The following FBXL17 variants were observed in gnomAD, a reference collection of about 807,000 sequenced individuals.
FBXL17 encodes the protein F-box and leucine rich repeat protein 17, also known as F-box/LRR-repeat protein 17.
In FBXL17, 22 loss-of-function variants were observed where a neutral mutation model predicts 66.2. That is an observed-to-expected ratio of 0.33 (90% CI 0.24 to 0.47). The LOEUF is 0.47. Ranked by LOEUF, FBXL17 falls within the 20% of genes least tolerant of loss-of-function variation. FBXL17 has a pLI of 1.00. For synonymous variants in FBXL17, 474 were observed against 400.5 expected, an observed-to-expected ratio of 1.18 and a Z score of -2.19; for missense variants, 878 against 948.2, an observed-to-expected ratio of 0.93 and a Z score of 0.97.
chr5:108,106,219 A>G (rs1178570135), intron 6 of FBXL17, among the ~76,000 whole-genome samples: 1 of 152,238 alleles, frequency 6.6e-6, no homozygotes, highest in Non-Finnish European at 1.5e-5. Context: ...TAGTTCCTCT[A>G]AATGTGAACA....
At chr5:108,270,621 G>A (rs902551784) in intron 4 of FBXL17, among the ~76,000 whole-genome samples, 1 of 151,120 alleles carries the variant, frequency 6.6e-6, no homozygotes, top group Non-Finnish European at 1.5e-5. Flanking sequence ...TTGAGGATAA[G>A]TGACATTTAA....
At position 108,029,594 on chromosome 5, in the gene FBXL17, G is replaced by A. The variant is rs1018770881; in HGVS notation, c.1746-8593C>T. Among the ~76,000 whole-genome samples the A allele has an allele frequency of 9.9e-5, 15 of 152,180 alleles. No individual in the cohort carries two copies. In the South Asian group the frequency reaches 1.0e-3, roughly 11 times the overall value. ...GCAGGTCATGTTAAGTTGTTTTGGT[G>A]CACTGTGTTTATGCAGAGAGATAAC... On this transcript the variant is annotated intron_variant, in intron 6 of 8. Transcript: ENST00000542267.
intron 5 of FBXL17, among the ~76,000 whole-genome samples, chr5:108,203,716 G>T (rs1301827526): frequency 6.6e-6 from 1 of 152,094 alleles, no homozygotes; most frequent in African/African-American, 2.4e-5. Flanking sequence ...TAGTAAAACA[G>T]TGTGTTCTTT....
Position 108,381,748 on chromosome 5 carries a change from G to A in FBXL17, c.-57C>T. On this transcript the variant is annotated 5_prime_UTR_variant, in exon 1 of 9. Coordinates refer to ENST00000542267, the MANE Select transcript of FBXL17 (RefSeq NM_001163315.3). ...GGAGGGAGGGAGACCCAGAGAGGCG[G>A]GCTCCCGGCAGCGGGGCAGGCCGCT... 2 of 1,378,650 alleles carry A rather than the reference G, an allele frequency of 1.5e-6. No homozygotes were observed. The highest frequency in any genetic ancestry group is 1.9e-6 in the Non-Finnish European group (2 of 1,072,338). 85.4% of individuals were successfully genotyped at this position (1,378,650 alleles called of 1,614,324 possible).
intron 4 of FBXL17, among the ~76,000 whole-genome samples, chr5:108,280,142 T>C (rs911488902): frequency 4.6e-5 from 7 of 152,080 alleles, no homozygotes; most frequent in South Asian, 2.1e-4. Context: ...GCAAATACTA[T>C]GCAAAAATGA....
At position 108,367,926 on chromosome 5, in the gene FBXL17, G is replaced by A; in HGVS notation, c.1021C>T (p.Arg341Cys). The A allele has an allele frequency of 6.4e-7, 1 of 1,550,606 alleles. No individual in the cohort carries two copies. The highest frequency in any genetic ancestry group is 8.7e-7 in the Non-Finnish European group (1 of 1,146,206). The stretch of plus-strand genomic sequence containing the variant: ...CAAACCAATGATGCGGAAAGGCAAC[G>A]CTCATCCAGTGACAAATTGGAAAAT... ...KIFSNLSLDE[R>C]CLSASLVCKY... Residue 341 changes from arginine (R) to cysteine (C), a missense_variant, in exon 2 of 9, where the codon CGT becomes TGT. Arg to Cys is a radical substitution (Grantham distance 180). Coordinates refer to ENST00000542267, the MANE Select transcript of FBXL17 (RefSeq NM_001163315.3).
chr5:107,914,910 C>T (rs988662832), intron 7 of FBXL17, among the ~76,000 whole-genome samples: 3 of 152,134 alleles, frequency 2.0e-5, no homozygotes, highest in Non-Finnish European at 4.4e-5. Context: ...TAATAAACCT[C>T]CCTTCTTTGT....
intron 4 of FBXL17, among the ~76,000 whole-genome samples, chr5:108,274,945 G>T (rs1757425444): frequency 6.6e-6 from 1 of 152,082 alleles, no homozygotes; most frequent in Non-Finnish European, 1.5e-5. Flanking sequence ...TACATATAAG[G>T]AAACTGGAGA....
chr5:108,014,546 A>C (rs887975191), intron 7 of FBXL17, among the ~76,000 whole-genome samples: 1 of 152,206 alleles, frequency 6.6e-6, no homozygotes, highest in African/African-American at 2.4e-5. Context: ...CTATTCTAGC[A>C]AGACACAGTG....
chr5:108,061,173 G>A (rs868116850), intron 6 of FBXL17, among the ~76,000 whole-genome samples: 3 of 152,102 alleles, frequency 2.0e-5, no homozygotes, highest in Middle Eastern at 3.4e-3. Context: ...TGTAATCCCA[G>A]CTACTCGGGA....
At position 107,864,608 on chromosome 5, in the gene FBXL17, C is replaced by T. The variant is rs537251460; in HGVS notation, c.1966-2748G>A. 1.0e-3 allele frequency among the ~76,000 whole-genome samples: 154 copies of T among 152,208 alleles called. 1 individual carries two copies. Among genetic ancestry groups the T allele is most frequent in the Middle Eastern group, 3.4e-3 (1 of 294 alleles). ...GCCCATCATGGCTTGGTGCTGTCTTCGAGATAGTGGGGGAGTTCTCTCGAG... is the reference window on the plus strand; with the variant it reads ...GCCCATCATGGCTTGGTGCTGTCTTTGAGATAGTGGGGGAGTTCTCTCGAG... On this transcript the variant is annotated intron_variant, in intron 8 of 8. Coordinates refer to ENST00000542267, the MANE Select transcript of FBXL17 (RefSeq NM_001163315.3).
At chr5:107,931,241 G>A (rs1750725711) in intron 7 of FBXL17, among the ~76,000 whole-genome samples, 1 of 148,786 alleles carries the variant, frequency 6.7e-6, no homozygotes. Context: ...TTTTATTGCT[G>A]TTCATGTTAA....
At chr5:107,951,632 G>A (rs1751501810) in intron 7 of FBXL17, among the ~76,000 whole-genome samples, 1 of 152,240 alleles carries the variant, frequency 6.6e-6, no homozygotes, top group Non-Finnish European at 1.5e-5. Flanking sequence ...CAGTATATGA[G>A]AGAGCTAAGC....
intron 7 of FBXL17, among the ~76,000 whole-genome samples, chr5:107,902,223 G>T (rs1052362685): frequency 6.6e-6 from 1 of 151,966 alleles, no homozygotes; most frequent in African/African-American, 2.4e-5. Flanking sequence ...TTTTTCAGCA[G>T]TTCCGAAGTT....
intron 5 of FBXL17, among the ~76,000 whole-genome samples, chr5:108,213,281 C>G (rs1201296262): frequency 2.0e-5 from 3 of 152,164 alleles, no homozygotes; most frequent in Non-Finnish European, 4.4e-5. Flanking sequence ...GGCTTCAGCA[C>G]CCCTTTCCAG....
chr5:108,326,853 T>A (rs184809898), intron 4 of FBXL17, among the ~76,000 whole-genome samples: 1 of 151,710 alleles, frequency 6.6e-6, no homozygotes, highest in Admixed American at 6.6e-5. Context: ...CCAAATGGAG[T>A]TCTCAAACAT....
intron 4 of FBXL17, among the ~76,000 whole-genome samples, chr5:108,318,095 C>T (rs1187684066): frequency 6.6e-6 from 1 of 151,344 alleles, no homozygotes; most frequent in Non-Finnish European, 1.5e-5. Context: ...TTTTTCCTTC[C>T]AAAGAAATCA....
chr5:108,378,850 G>A (rs1176449853), intron 1 of FBXL17, among the ~76,000 whole-genome samples: 1 of 152,158 alleles, frequency 6.6e-6, no homozygotes, highest in Non-Finnish European at 1.5e-5. Context: ...CAAAAACTGG[G>A]GTTGGCAGAC....
At chr5:108,014,169 CTG>C (rs1754292624) in intron 7 of FBXL17, among the ~76,000 whole-genome samples, 1 of 151,932 alleles carries the variant, frequency 6.6e-6, no homozygotes, top group South Asian at 2.1e-4. Flanking sequence ...CTATAGAAGA[CTG>C]TTTCAAAGAC....
Sources: gnomAD v4.1 joint callset for allele counts (sites outside exome capture counted in the v4.1 genomes callset) on GRCh38, gnomAD v4.1.1 for gene constraint, MANE v1.5 for transcripts, NCBI Gene and HGNC (gene_info 2026-07-23, HGNC 2026-07-21) for gene names.